SUPT3H: variants seen among roughly 807,000 people sequenced by gnomAD.
SUPT3H encodes SPT3 homolog, SAGA and STAGA complex component, also known as transcription initiation protein SPT3 homolog.
SUPT3H carries 44 observed loss-of-function variants against 44.3 expected under a neutral mutation model. The observed-to-expected ratio is 0.99, with a 90% CI of 0.78 to 1.28. SUPT3H has a LOEUF of 1.28. Ranked by LOEUF, SUPT3H falls within the 50% of genes most tolerant of loss-of-function variation. The pLI is 0.00. For synonymous variants in SUPT3H, 124 were observed against 125.6 expected (o/e 0.99, Z 0.09); for missense variants, 380 against 387.1 (o/e 0.98, Z 0.15).
At chr6:45,290,874 G>C (rs1271267683) in intron 2 of SUPT3H, among the ~76,000 whole-genome samples, 2 of 152,138 alleles carry the variant, frequency 1.3e-5, no homozygotes, top group Admixed American at 1.3e-4. Flanking sequence ...TGAGGCCCAA[G>C]AAAATGGATG....
intron 2 of SUPT3H, among the ~76,000 whole-genome samples, chr6:45,192,715 CTG>C (rs1815346714): frequency 1.3e-5 from 2 of 152,168 alleles, no homozygotes; most frequent in Admixed American, 1.3e-4. Context: ...GTGGTTAACT[CTG>C]AGAATAAAAG....
intron 5 of SUPT3H, among the ~76,000 whole-genome samples, chr6:45,013,661 G>A (rs1428686005): frequency 2.6e-5 from 4 of 152,060 alleles, no homozygotes; most frequent in South Asian, 2.1e-4. Flanking sequence ...TATCCTATGA[G>A]CTGAGGTTAA....
At chr6:44,887,557 C>T (rs377731823) in intron 10 of SUPT3H, among the ~76,000 whole-genome samples, 4 of 152,016 alleles carry the variant, frequency 2.6e-5, no homozygotes, top group South Asian at 2.1e-4. Flanking sequence ...ATAAAGATGT[C>T]CTTTGAAACC....
At chr6:44,956,657 GATTCC>G (rs1562131884) in intron 7 of SUPT3H, among the ~76,000 whole-genome samples, 2 of 152,024 alleles carry the variant, frequency 1.3e-5, no homozygotes, top group Non-Finnish European at 1.5e-5. Flanking sequence ...CATCCAGACT[GATTCC>G]AAGCAGCCTT....
intron 2 of SUPT3H, among the ~76,000 whole-genome samples, chr6:45,128,285 T>C (rs1444212702): frequency 6.6e-6 from 1 of 151,494 alleles, no homozygotes; most frequent in African/African-American, 2.4e-5. Context: ...GGCAGGCAGA[T>C]CACGAGGTCA....
intron 10 of SUPT3H, among the ~76,000 whole-genome samples, chr6:44,868,067 G>A (rs891476332): frequency 6.6e-6 from 1 of 151,242 alleles, no homozygotes; most frequent in African/African-American, 2.4e-5. Flanking sequence ...TACTGAATAT[G>A]CTCAGATTTG....
intron 1 of SUPT3H, among the ~76,000 whole-genome samples, chr6:45,365,790 G>A (rs1250320063): frequency 3.3e-5 from 5 of 151,366 alleles, no homozygotes; most frequent in Non-Finnish European, 7.4e-5. Context: ...ACAGCTGAAA[G>A]ATACAAAATT....
chr6:44,817,100 A>G (rs1766963551), intron 11 of SUPT3H, among the ~76,000 whole-genome samples: 1 of 57,516 alleles, frequency 1.7e-5, no homozygotes, highest in Non-Finnish European at 4.3e-5. Context: ...AAATATACAC[A>G]TACATATTCA....
At chr6:44,957,679 C>T (rs1206692824) in intron 7 of SUPT3H, among the ~76,000 whole-genome samples, 1 of 151,954 alleles carries the variant, frequency 6.6e-6, no homozygotes, top group East Asian at 1.9e-4. Flanking sequence ...ACCGAGAATG[C>T]AGGGACAAGG....
At chr6:45,047,817 T>C (rs920199076) in intron 3 of SUPT3H, among the ~76,000 whole-genome samples, 2 of 152,174 alleles carry the variant, frequency 1.3e-5, no homozygotes, top group African/African-American at 4.8e-5. Context: ...CTCATTGTGG[T>C]TTTAATTTGC....
chr6:44,980,240 T>A (rs1172443225), intron 6 of SUPT3H, among the ~76,000 whole-genome samples: 1 of 151,184 alleles, frequency 6.6e-6, no homozygotes, highest in Non-Finnish European at 1.5e-5. Flanking sequence ...AGTGTACCCT[T>A]TCTCTAAAAA....
Position 45,287,872 on chromosome 6 carries a change from A to G in SUPT3H, c.101+77329T>C, listed in dbSNP as rs1779579889. 2.0e-5 allele frequency among the ~76,000 whole-genome samples: 3 copies of G among 152,170 alleles called. No homozygotes were observed. In the South Asian group the frequency reaches 6.2e-4, roughly 31 times the overall value. On this transcript the variant is annotated intron_variant, in intron 2 of 10. Coordinates refer to ENST00000371459, the MANE Select transcript of SUPT3H (RefSeq NM_003599.4). ...AACAGACTTATCCTAAAAATTACTT[A>G]AAGCAACTTACCACACTTAGTTCTT...
chr6:44,936,570 ATAAG>A (rs939238304), intron 9 of SUPT3H, among the ~76,000 whole-genome samples: 1 of 152,106 alleles, frequency 6.6e-6, no homozygotes, highest in Non-Finnish European at 1.5e-5. Context: ...GCTCTCACTT[ATAAG>A]TAAGAACATG....
chr6:45,058,600 C>A (rs1791495064), intron 3 of SUPT3H, among the ~76,000 whole-genome samples: 1 of 152,072 alleles, frequency 6.6e-6, no homozygotes, highest in African/African-American at 2.4e-5. Context: ...TCTTTGAAAT[C>A]TTACATACTG....
At chr6:45,133,645 T>G (rs898342513) in intron 2 of SUPT3H, among the ~76,000 whole-genome samples, 6 of 152,160 alleles carry the variant, frequency 3.9e-5, no homozygotes, top group Non-Finnish European at 8.8e-5. Flanking sequence ...ACTACTGAAT[T>G]TTGGGTAAAA....
intron 2 of SUPT3H, among the ~76,000 whole-genome samples, chr6:45,297,110 C>T (rs1781424981): frequency 6.6e-6 from 1 of 150,908 alleles, no homozygotes; most frequent in African/African-American, 2.4e-5. Context: ...AAATGATGTG[C>T]TTCATCCCCC....
chr6:45,183,849 C>A (rs73451316), intron 2 of SUPT3H, among the ~76,000 whole-genome samples: 1 of 152,054 alleles, frequency 6.6e-6, no homozygotes, highest in Non-Finnish European at 1.5e-5. Flanking sequence ...CTGTATGATT[C>A]TGATACAACA....
intron 9 of SUPT3H, among the ~76,000 whole-genome samples, chr6:44,950,980 A>C (rs1290745166): frequency 6.6e-6 from 1 of 151,978 alleles, no homozygotes; most frequent in Non-Finnish European, 1.5e-5. Flanking sequence ...TCAACAATTC[A>C]TTCCTTCCTA....
intron 2 of SUPT3H, among the ~76,000 whole-genome samples, chr6:45,325,661 T>C (rs1203361611): frequency 6.6e-6 from 1 of 151,638 alleles, no homozygotes; most frequent in South Asian, 2.1e-4. Flanking sequence ...AAAATAAAAA[T>C]AAATCTGTGG....
Sources: gnomAD v4.1 joint callset for allele counts (sites outside exome capture counted in the v4.1 genomes callset) on GRCh38, gnomAD v4.1.1 for gene constraint, MANE v1.5 for transcripts, NCBI Gene and HGNC (gene_info 2026-07-23, HGNC 2026-07-21) for gene names.